ZZZ3: variants seen among roughly 807,000 people sequenced by gnomAD.
ZZZ3 encodes ZZ-type zinc finger-containing protein 3.
Under a neutral mutation model 95.2 loss-of-function variants are expected in ZZZ3, and 22 were observed. The ratio of observed to expected loss-of-function variants is 0.23; its 90% confidence interval spans 0.17 to 0.33. The LOEUF is 0.33. ZZZ3 is among the 10% of genes least tolerant of loss of function. The pLI is 1.00. For missense variants in ZZZ3, 885 were observed against 1,066.5 expected (o/e 0.83, Z 2.37); for synonymous variants, 335 against 358.9 (o/e 0.93, Z 0.75).
At chr1:77,581,210 T>C (rs1327889197) in intron 8 of ZZZ3, 141 bp from the exon 9 acceptor site, 1 of 669,144 alleles carries the variant, frequency 1.5e-6, no homozygotes, top group Non-Finnish European at 2.6e-6. Flanking sequence ...TATATGCTTT[T>C]TTTTTAACTG....
intron 1 of ZZZ3, among the ~76,000 whole-genome samples, chr1:77,647,769 C>T (rs1412964508): frequency 1.3e-5 from 2 of 152,146 alleles, no homozygotes; most frequent in East Asian, 3.9e-4. Context: ...ACGTGGCTCA[C>T]ATATAGTCAG....
chr1:77,636,098 A>T (rs1668274259), intron 4 of ZZZ3, among the ~76,000 whole-genome samples: 1 of 152,192 alleles, frequency 6.6e-6, no homozygotes, highest in Non-Finnish European at 1.5e-5. Flanking sequence ...AATCTAATAC[A>T]TATTATCTTT....
rs566593435 is a variant in ZZZ3, at chr1:77,656,722, C to T, written c.-402-15067G>A. On this transcript the variant is annotated intron_variant, in intron 1 of 14. Transcript: ENST00000370801. ...TTAACCAACCTCTAAGCTGGACTCTCCGTCACCTCTAAGAATCTACAGGAC... is the reference window on the plus strand; with the variant it reads ...TTAACCAACCTCTAAGCTGGACTCTTCGTCACCTCTAAGAATCTACAGGAC... Among the ~76,000 whole-genome samples, 4 of 152,308 alleles carry T rather than the reference C, an allele frequency of 2.6e-5. No homozygotes were observed. The South Asian group carries it at 8.3e-4, about 32-fold the overall frequency.
At chr1:77,637,928 C>T (rs1188054809) in intron 4 of ZZZ3, among the ~76,000 whole-genome samples, 1 of 152,116 alleles carries the variant, frequency 6.6e-6, no homozygotes, top group East Asian at 1.9e-4. Flanking sequence ...TGGTAAAAAC[C>T]TTAGCCAGCA....
At chr1:77,671,822 C>A (rs1671812046) in intron 1 of ZZZ3, among the ~76,000 whole-genome samples, 1 of 152,052 alleles carries the variant, frequency 6.6e-6, no homozygotes, top group Non-Finnish European at 1.5e-5. Flanking sequence ...TACAGTAGTT[C>A]CCTCCCCACA....
chr1:77,632,117 T>C lies in ZZZ3; in HGVS notation c.1238A>G (p.Asn413Ser), dbSNP rs1016245464. The C allele has an allele frequency of 3.1e-6, 5 of 1,614,146 alleles. No homozygotes were observed. Among genetic ancestry groups the C allele is most frequent in the Non-Finnish European group, 4.2e-6 (5 of 1,180,002 alleles). Reference protein sequence around the residue: ...GQFEENNLSPNETNATVSDNV... With the variant: ...GQFEENNLSPSETNATVSDNV... ...ATCACTAACAGTTGCATTTGTTTCATTAGGACTAAGATTATTCTCCTCAAA... is the reference window on the plus strand; with the variant it reads ...ATCACTAACAGTTGCATTTGTTTCACTAGGACTAAGATTATTCTCCTCAAA... Residue 413 changes from asparagine (N) to serine (S), a missense_variant, in exon 5 of 15, where the codon AAT becomes AGT. Physicochemically the swap from Asn to Ser is conservative, Grantham distance 46. This residue lies in a region of ZZZ3 where 556 missense variants were observed against 652.9 expected (regional missense o/e 0.85). Coordinates refer to ENST00000370801, the MANE Select transcript of ZZZ3 (RefSeq NM_015534.6).
intron 12 of ZZZ3, among the ~76,000 whole-genome samples, chr1:77,575,783 G>C (rs1251419389): frequency 6.6e-6 from 1 of 152,120 alleles, no homozygotes. Flanking sequence ...ATTATATTGT[G>C]TAATATCTGG....
intron 5 of ZZZ3, among the ~76,000 whole-genome samples, chr1:77,629,427 G>A (rs1180912168): frequency 6.6e-6 from 1 of 152,164 alleles, no homozygotes; most frequent in African/African-American, 2.4e-5. Context: ...AGATCAGCCT[G>A]GACAACATGG....
chr1:77,630,119 T>C (rs1350053018), intron 5 of ZZZ3, among the ~76,000 whole-genome samples: 1 of 152,190 alleles, frequency 6.6e-6, no homozygotes, highest in Non-Finnish European at 1.5e-5. Flanking sequence ...CTTTAGTTTT[T>C]GGTATTTTCC....
chr1:77,681,670 T>C lies in ZZZ3; in HGVS notation c.-403+915A>G, dbSNP rs190418953. ...ACTTTGAGAGGCCAAGGCAGGTGGA[T>C]CACTTGAGGTCAGGAGTTTGAGACC... On this transcript the variant is annotated intron_variant, in intron 1 of 14. Transcript: ENST00000370801. Among the ~76,000 whole-genome samples, 386 of 152,194 alleles carry C rather than the reference T, an allele frequency of 2.5e-3. 4 individuals carry two copies. Among genetic ancestry groups the C allele is most frequent in the Admixed American group, 0.014 (215 of 15,292 alleles).
chr1:77,590,519 C>T (rs1663578970), intron 5 of ZZZ3, among the ~76,000 whole-genome samples: 2 of 152,248 alleles, frequency 1.3e-5, no homozygotes, highest in Admixed American at 1.3e-4. Context: ...AATAGAACCA[C>T]ATTATCCACC....
At chr1:77,615,288 C>A (rs1046180583) in intron 5 of ZZZ3, among the ~76,000 whole-genome samples, 1 of 152,140 alleles carries the variant, frequency 6.6e-6, no homozygotes, top group Non-Finnish European at 1.5e-5. Context: ...ATGCTTTTTA[C>A]CAATATGTTT....
chr1:77,660,550 T>A (rs1461107295), intron 1 of ZZZ3, among the ~76,000 whole-genome samples: 1 of 152,206 alleles, frequency 6.6e-6, no homozygotes, highest in Non-Finnish European at 1.5e-5. Flanking sequence ...CATGTCAGAA[T>A]CTCCTTCCTT....
intron 5 of ZZZ3, among the ~76,000 whole-genome samples, chr1:77,617,817 C>T (rs1666461854): frequency 6.6e-6 from 1 of 150,916 alleles, no homozygotes; most frequent in Non-Finnish European, 1.5e-5. Flanking sequence ...TGGTGACAAG[C>T]ACCTGTAGTC....
At chr1:77,636,705 GAAAAAAAAAA>G (rs10568853) in intron 4 of ZZZ3, among the ~76,000 whole-genome samples, 2 of 67,646 alleles carry the variant, frequency 3.0e-5, no homozygotes, top group Non-Finnish European at 5.4e-5. Context: ...GCCCTGTCTT[GAAAAAAAAAA>G]AAAAAAAAAA....
At chr1:77,610,702 C>CA (rs1665707622) in intron 5 of ZZZ3, among the ~76,000 whole-genome samples, 1 of 151,134 alleles carries the variant, frequency 6.6e-6, no homozygotes, top group African/African-American at 2.4e-5. Flanking sequence ...GAATGAAGGA[C>CA]AAAAACTATG....
chr1:77,576,336 T>C, intron 11 of ZZZ3, 116 bp from the exon 12 acceptor site: 1 of 817,134 alleles, frequency 1.2e-6, no homozygotes, highest in Non-Finnish European at 1.9e-6. Flanking sequence ...CACTCTATCC[T>C]TTAGCATACT....
chr1:77,618,907 C>A (rs1666590475), intron 5 of ZZZ3, among the ~76,000 whole-genome samples: 1 of 152,152 alleles, frequency 6.6e-6, no homozygotes, highest in South Asian at 2.1e-4. Context: ...TGGGAACAGA[C>A]CTTAAAAGAT....
intron 5 of ZZZ3, among the ~76,000 whole-genome samples, chr1:77,586,189 G>A (rs930002465): frequency 3.9e-5 from 6 of 152,142 alleles, no homozygotes; most frequent in Admixed American, 1.3e-4. Flanking sequence ...TTAGGGTGAT[G>A]GTAGTGATCT....
Sources: gnomAD v4.1 joint callset for allele counts (sites outside exome capture counted in the v4.1 genomes callset) on GRCh38, gnomAD v4.1.1 for gene constraint, gnomAD v4.1.1 regional missense constraint, MANE v1.5 for transcripts, NCBI Gene and HGNC (gene_info 2026-07-23, HGNC 2026-07-21) for gene names.